POU6F2: variants seen among roughly 807,000 people sequenced by gnomAD.
POU6F2 encodes POU domain, class 6, transcription factor 2.
Under a neutral mutation model 71.3 loss-of-function variants are expected in POU6F2, and 31 were observed. That is an observed-to-expected ratio of 0.43 (90% CI 0.33 to 0.59). POU6F2 has a LOEUF of 0.59. POU6F2 is among the 20% of genes least tolerant of loss of function. POU6F2 has a pLI of 0.04. For synonymous variants in POU6F2, 347 were observed against 355.7 expected (o/e 0.98, Z 0.27); for missense variants, 783 against 856.8 (o/e 0.91, Z 1.07).
At chr7:39,236,326 A>C (rs1794676624) in intron 4 of POU6F2, among the ~76,000 whole-genome samples, 1 of 152,124 alleles carries the variant, frequency 6.6e-6, no homozygotes, top group Admixed American at 6.5e-5. Context: ...ATATCATAGC[A>C]CTTATATACA....
intron 4 of POU6F2, among the ~76,000 whole-genome samples, chr7:39,230,783 T>C (rs891964664): frequency 6.6e-6 from 1 of 152,232 alleles, no homozygotes; most frequent in African/African-American, 2.4e-5. Flanking sequence ...ACTCAATATA[T>C]AGACACACAC....
At chr7:39,303,337 C>G (rs557118500) in intron 4 of POU6F2, among the ~76,000 whole-genome samples, 1 of 151,954 alleles carries the variant, frequency 6.6e-6, no homozygotes, top group Non-Finnish European at 1.5e-5. Context: ...TTAGTAGAGA[C>G]GGGGTTTCAC....
intron 1 of POU6F2, among the ~76,000 whole-genome samples, chr7:38,998,829 T>C (rs868667577): frequency 7.0e-6 from 1 of 143,648 alleles, no homozygotes; most frequent in African/African-American, 2.6e-5. Flanking sequence ...TTTTTTTTTT[T>C]TTTTTTTTTT....
intron 2 of POU6F2, among the ~76,000 whole-genome samples, chr7:39,198,542 A>T (rs1013665478): frequency 6.6e-6 from 1 of 152,216 alleles, no homozygotes; most frequent in Non-Finnish European, 1.5e-5. Context: ...ATGTAATCAG[A>T]CAGTCTTGGT....
chr7:39,137,533 G>T (rs374048792), intron 2 of POU6F2, among the ~76,000 whole-genome samples: 1 of 152,074 alleles, frequency 6.6e-6, no homozygotes, highest in East Asian at 1.9e-4. Flanking sequence ...AATATAACAC[G>T]TTGTTAACAG....
intron 2 of POU6F2, among the ~76,000 whole-genome samples, chr7:39,195,144 G>T (rs1320456302): frequency 6.6e-6 from 1 of 152,066 alleles, no homozygotes; most frequent in African/African-American, 2.4e-5. Context: ...TATTCCTATT[G>T]TCCCAATTAT....
chr7:39,454,663 T>G (rs996938), intron 8 of POU6F2, among the ~76,000 whole-genome samples: 3,374 of 6,182 alleles, frequency 0.55, 336 homozygotes, highest in East Asian at 0.63. Flanking sequence ...GGGATATATA[T>G]ATATATATAT....
At chr7:39,455,100 A>G (rs1334720748) in intron 8 of POU6F2, among the ~76,000 whole-genome samples, 30 of 152,158 alleles carry the variant, frequency 2.0e-4, no homozygotes. Context: ...TATGGTTTTT[A>G]TAAGCAGGGT....
chr7:39,217,121 G>A (rs1794260332), intron 4 of POU6F2, among the ~76,000 whole-genome samples: 1 of 152,080 alleles, frequency 6.6e-6, no homozygotes, highest in African/African-American at 2.4e-5. Context: ...GTGTTGCCAA[G>A]GTTCGGTTTA....
chr7:39,301,247 A>T (rs1784943418), intron 4 of POU6F2, among the ~76,000 whole-genome samples: 2 of 152,208 alleles, frequency 1.3e-5, no homozygotes. Flanking sequence ...AGAAATGATG[A>T]GATCTTCCCA....
At chr7:39,227,182 A>T (rs1334537244) in intron 4 of POU6F2, among the ~76,000 whole-genome samples, 2 of 152,166 alleles carry the variant, frequency 1.3e-5, no homozygotes, top group African/African-American at 2.4e-5. Flanking sequence ...CTTTGGCTAA[A>T]TTGTTACTTG....
intron 1 of POU6F2, among the ~76,000 whole-genome samples, chr7:39,060,055 A>G (rs556082828): frequency 7.1e-4 from 108 of 152,248 alleles, no homozygotes; most frequent in African/African-American, 2.5e-3. Flanking sequence ...TAAAAATACA[A>G]AAATTAGCCG....
At chr7:39,302,501 C>T (rs984898682) in intron 4 of POU6F2, among the ~76,000 whole-genome samples, 1 of 152,166 alleles carries the variant, frequency 6.6e-6, no homozygotes, top group Non-Finnish European at 1.5e-5. Flanking sequence ...TCTAACCTGG[C>T]GCTGTTTATT....
At position 39,364,528 on chromosome 7, in the gene POU6F2, A is replaced by G. The variant is rs546240487; in HGVS notation, c.972+24513A>G. On this transcript the variant is annotated intron_variant, in intron 5 of 9. Transcript: ENST00000518318. ...GAGAACATACCATGTTTGCTTTTCC[A>G]TTCCTGAGTTACTTTACTTAGAATA... Among the ~76,000 whole-genome samples the G allele has an allele frequency of 2.0e-5, 3 of 152,208 alleles. No individual in the cohort carries two copies. In the South Asian group the frequency reaches 6.2e-4, roughly 32 times the overall value.
rs1785877139 is a variant in POU6F2, at chr7:39,339,954, A to C, written c.911A>C (p.Lys304Thr). 1 of 1,613,844 alleles carries C rather than the reference A, an allele frequency of 6.2e-7. No individual in the cohort carries two copies. Among genetic ancestry groups the C allele is most frequent in the East Asian group, 2.2e-5 (1 of 44,876 alleles). The change falls in exon 5 of 10, where the codon AAA becomes ACA. Residue 304 changes from lysine to threonine, a missense_variant. Coordinates refer to ENST00000518318, the MANE Select transcript of POU6F2 (RefSeq NM_001370959.1). ...CAGCAGAGCTCCAGCCCCCCGCAGA[A>C]ACCTAGTCAGTCTCCAGGACATGGC... ...PTQQSSSPPQ[K>T]PSQSPGHGLP...
intron 4 of POU6F2, among the ~76,000 whole-genome samples, chr7:39,246,411 GT>G (rs1266325186): frequency 6.6e-6 from 1 of 152,128 alleles, no homozygotes; most frequent in Non-Finnish European, 1.5e-5. Context: ...AGGACACAGT[GT>G]AGATTGAGAT....
chr7:39,340,478 T>C (rs185043988), intron 5 of POU6F2, among the ~76,000 whole-genome samples: 1 of 152,346 alleles, frequency 6.6e-6, no homozygotes, highest in Admixed American at 6.5e-5. Flanking sequence ...TGTGCTCTTT[T>C]GTTTCTATTT....
At chr7:38,983,067 A>T (rs912194725) in intron 1 of POU6F2, among the ~76,000 whole-genome samples, 1 of 152,148 alleles carries the variant, frequency 6.6e-6, no homozygotes, top group Non-Finnish European at 1.5e-5. Flanking sequence ...TCACTTTTCA[A>T]TTGCATTGTG....
At chr7:39,377,382 C>T (rs969431876) in intron 5 of POU6F2, among the ~76,000 whole-genome samples, 4 of 152,246 alleles carry the variant, frequency 2.6e-5, no homozygotes, top group Non-Finnish European at 5.9e-5. Flanking sequence ...CCACCCACCT[C>T]AGCCTCCCAA....
Sources: allele counts gnomAD v4.1 joint callset (sites outside exome capture counted in the v4.1 genomes callset), GRCh38; gene constraint gnomAD v4.1.1; transcripts MANE v1.5; gene names NCBI Gene and HGNC (gene_info 2026-07-23, HGNC 2026-07-21).